The following UBE2Q2 variants were observed in gnomAD, a reference collection of about 807,000 sequenced individuals.
UBE2Q2 encodes the protein ubiquitin conjugating enzyme E2 Q2.
In UBE2Q2, 54 loss-of-function variants were observed where a neutral mutation model predicts 59.9. The observed-to-expected ratio is 0.90, with a 90% confidence interval of 0.72 to 1.13. The LOEUF is 1.13. Among genes scored for constraint, UBE2Q2 ranks in the 50% most tolerant of loss-of-function variants. The probability of loss-of-function intolerance (pLI) is 0.00; values close to 1 mark genes in which losing one functional copy is unlikely to be tolerated. For missense variants in UBE2Q2, 433 were observed against 441.9 expected (o/e 0.98, Z 0.18); for synonymous variants, 165 against 155.2 (o/e 1.06, Z -0.47).
At chr15:75,861,458 C>G (rs1292503817) in intron 3 of UBE2Q2, among the ~76,000 whole-genome samples, 2 of 152,088 alleles carry the variant, frequency 1.3e-5, no homozygotes, top group African/African-American at 4.8e-5. Flanking sequence ...TCTTTTTTCA[C>G]TCATTGTGCT....
At chr15:75,893,631 G>A (rs1169576720) in intron 11 of UBE2Q2, among the ~76,000 whole-genome samples, 1 of 152,106 alleles carries the variant, frequency 6.6e-6, no homozygotes, top group Non-Finnish European at 1.5e-5. Context: ...GATATAGATC[G>A]TTCTCAAGCA....
intron 6 of UBE2Q2, among the ~76,000 whole-genome samples, chr15:75,876,884 C>T (rs118186721): frequency 0.053 from 7,988 of 152,032 alleles, 294 homozygotes; most frequent in Non-Finnish European, 0.072. Context: ...TGGTTGGGTG[C>T]GGTGGCTCAC....
At position 75,877,894 on chromosome 15, in the gene UBE2Q2, C is replaced by T. The variant is rs1047419620; in HGVS notation, c.674-67C>T. ...GCTTTCGTTGGCTATTTAGTGTATA[C>T]ATTTATACCATAGTAATAGTTATAT... On this transcript the variant is annotated intron_variant, in intron 6 of 12. Transcript: ENST00000267938. 4.8e-6 allele frequency: 7 copies of T among 1,468,666 alleles called. No individual in the cohort carries two copies. In the African/African-American group the frequency reaches 8.4e-5, roughly 18 times the overall value. 91.0% of individuals were successfully genotyped at this position (1,468,666 alleles called of 1,614,324 possible).
At chr15:75,856,168 C>T (rs1056683408) in intron 2 of UBE2Q2, among the ~76,000 whole-genome samples, 6 of 150,710 alleles carry the variant, frequency 4.0e-5, no homozygotes, top group Admixed American at 6.6e-5. Context: ...GCCTAGGTGA[C>T]GGAGTGAGAC....
intron 4 of UBE2Q2, 148 bp downstream of exon 4, chr15:75,869,158 G>T: frequency 1.5e-6 from 1 of 657,428 alleles, no homozygotes; most frequent in Non-Finnish European, 2.5e-6. Flanking sequence ...CCCAACTCTG[G>T]CTTTACCTCT....
At chr15:75,866,675 T>A (rs1156996203) in intron 3 of UBE2Q2, among the ~76,000 whole-genome samples, 1 of 152,086 alleles carries the variant, frequency 6.6e-6, no homozygotes, top group African/African-American at 2.4e-5. Context: ...TTCTCTGTTC[T>A]AAGGAAATGT....
At chr15:75,871,322 G>A (rs1897776586) in intron 4 of UBE2Q2, among the ~76,000 whole-genome samples, 1 of 152,214 alleles carries the variant, frequency 6.6e-6, no homozygotes, top group South Asian at 2.1e-4. Context: ...GGGACGGGCA[G>A]GAGGCAGATG....
intron 2 of UBE2Q2, among the ~76,000 whole-genome samples, chr15:75,855,511 G>T (rs1234782617): frequency 6.6e-6 from 1 of 151,056 alleles, no homozygotes; most frequent in Non-Finnish European, 1.5e-5. Context: ...AAAAATTACT[G>T]TATTTTCCCA....
At chr15:75,897,852 C>T (rs902690483) in intron 12 of UBE2Q2, among the ~76,000 whole-genome samples, 20 of 152,112 alleles carry the variant, frequency 1.3e-4, no homozygotes, top group African/African-American at 4.8e-4. Context: ...CTTTACTTTG[C>T]TAGAAATGTG....
chr15:75,852,323 A>T (rs1390323229), intron 1 of UBE2Q2, among the ~76,000 whole-genome samples: 2 of 152,134 alleles, frequency 1.3e-5, no homozygotes, highest in Non-Finnish European at 2.9e-5. Context: ...TTTACCCACC[A>T]TTGTATCTGC....
chr15:75,866,642 G>A (rs1394125), intron 3 of UBE2Q2, among the ~76,000 whole-genome samples: 49,771 of 151,814 alleles, frequency 0.33, 8,493 homozygotes, highest in Middle Eastern at 0.41. Context: ...CATCTCTTCT[G>A]TTTTCTCCCC....
chr15:75,844,188 C>CCGGGGCGGGGCGGGGCGGGG lies in UBE2Q2; in HGVS notation c.180+346_180+365dup, dbSNP rs534143228. ...GCCCTCAGCCGGCCTGCTCCCGGGA[C>CCGGGGCGGGGCGGGGCGGGG]CGGGGCGGGGCGGGGCGGGGCGGCG... On this transcript the variant is annotated intron_variant, in intron 1 of 12. Transcript: ENST00000267938. 2.8e-6 allele frequency: 4 copies of CCGGGGCGGGGCGGGGCGGGG among 1,445,776 alleles called. No homozygotes were observed. The East Asian group carries it at 7.6e-5, about 28-fold the overall frequency. 89.6% of individuals were successfully genotyped at this position (1,445,776 alleles called of 1,614,324 possible).
chr15:75,843,940 C>T lies in UBE2Q2; in HGVS notation c.180+94C>T, dbSNP rs914929621. 1.9e-5 allele frequency: 27 copies of T among 1,419,636 alleles called. No individual in the cohort carries two copies. The African/African-American group carries it at 3.2e-4, about 17-fold the overall frequency. 87.9% of individuals were successfully genotyped at this position (1,419,636 alleles called of 1,614,324 possible). A position where few individuals can be genotyped will look rare whatever the true frequency, so the allele number is the denominator to read the frequency against. ...CAAAGGGGAGCCTGCCCCGGAGAGG[C>T]TCCGGCTCCCCGGGCGGGGCAGGCC... On this transcript the variant is annotated intron_variant, in intron 1 of 12. Transcript: ENST00000267938.
chr15:75,879,171 C>T lies in UBE2Q2; in HGVS notation c.808C>T (p.Leu270Phe), dbSNP rs914713932. Residue 270 changes from leucine to phenylalanine, a missense_variant, in exon 8 of 13, where the codon CTT (leucine) becomes TTT (phenylalanine). Physicochemically the swap from Leu to Phe is conservative, Grantham distance 22. Transcript: ENST00000267938. ...AAAAGAAGGCATAGAATATATTTTGCTTAACTTCTCTTTTAAGGTAAGAAA... is the reference window on the plus strand; with the variant it reads ...AAAAGAAGGCATAGAATATATTTTGTTTAACTTCTCTTTTAAGGTAAGAAA... ...KEKEGIEYIL[L>F]NFSFKDNFPF... The T allele has an allele frequency of 1.5e-5, 24 of 1,591,470 alleles. No individual in the cohort carries two copies. The highest frequency in any genetic ancestry group is 2.3e-5 in the East Asian group (1 of 44,110).
chr15:75,881,278 C>G (rs1898412887), intron 8 of UBE2Q2, among the ~76,000 whole-genome samples: 1 of 151,998 alleles, frequency 6.6e-6, no homozygotes. Context: ...GTGTGCCCCT[C>G]CCTTGTCACT....
At chr15:75,897,089 GCC>G in intron 12 of UBE2Q2, 28 bp downstream of exon 12, 1 of 1,419,028 alleles carries the variant, frequency 7.0e-7, no homozygotes, top group Non-Finnish European at 9.6e-7. Flanking sequence ...AGTGTTTATT[GCC>G]ATTTAAGAAG....
Position 75,876,150 on chromosome 15 carries a change from C to T in UBE2Q2, c.589-37C>T, listed in dbSNP as rs141706132. On this transcript the variant is annotated intron_variant, in intron 5 of 12. Transcript: ENST00000267938. ...GGTTGAAATATCTTAAATCTTAGCT[C>T]AGCAGACCCTGGTAAACAGTGGCTT... The T allele has an allele frequency of 3.0e-5, 48 of 1,598,352 alleles. No individual in the cohort carries two copies. The African/African-American group carries it at 5.8e-4, about 19-fold the overall frequency.
rs1156724372 is a variant in UBE2Q2 at position 75,843,835 on chromosome 15, T to G, written c.169T>G (p.Cys57Gly). ...GCTGCCGCCGCCACTCACGCTCCAC[T>G]GCAACATCACGGTGAGGCGCCCGGC... is the stretch of plus-strand genomic sequence containing the variant. The part of the protein sequence containing the change: ...HSLPPPLTLH[C>G]NITESYPSSS... The change falls in exon 1 of 13, where the codon TGC becomes GGC. Residue 57 changes from cysteine (C) to glycine (G), a missense_variant. Transcript: ENST00000267938. The G allele has an allele frequency of 1.3e-6, 2 of 1,588,236 alleles. No homozygotes were observed. The highest frequency in any genetic ancestry group is 1.7e-6 in the Non-Finnish European group (2 of 1,169,706).
intron 1 of UBE2Q2, among the ~76,000 whole-genome samples, chr15:75,849,945 G>A (rs1215105348): frequency 3.3e-5 from 5 of 152,294 alleles, no homozygotes; most frequent in South Asian, 2.1e-4. Context: ...AAGAGAAATA[G>A]TAGGCAAACT....
Sources: gnomAD v4.1 joint callset for allele counts (sites outside exome capture counted in the v4.1 genomes callset) on GRCh38, gnomAD v4.1.1 for gene constraint, MANE v1.5 for transcripts, NCBI Gene and HGNC (gene_info 2026-07-23, HGNC 2026-07-21) for gene names.